Variants in DNAJC7 observed in about 807,000 individuals in gnomAD.
The protein encoded by DNAJC7 is dnaJ homolog subfamily C member 7.
DNAJC7 carries 18 observed loss-of-function variants against 67.4 expected under a neutral mutation model. The observed-to-expected ratio is 0.27, with a 90% CI of 0.18 to 0.40. DNAJC7 has a LOEUF of 0.40. Among genes scored for constraint, DNAJC7 ranks in the 10% least tolerant of loss-of-function variants. The pLI is 1.00. For missense variants in DNAJC7, 419 were observed against 613.8 expected (o/e 0.68, Z 3.35); for synonymous variants, 220 against 207.8 (o/e 1.06, Z -0.50).
chr17:41,998,331 G>A (rs1555648986), intron 2 of DNAJC7, among the ~76,000 whole-genome samples: 2 of 152,136 alleles, frequency 1.3e-5, no homozygotes, highest in Non-Finnish European at 2.9e-5. Flanking sequence ...AATTAGCCAA[G>A]CATGGTGGCA....
At chr17:42,017,288 C>T (rs2052329979) in intron 1 of DNAJC7, 52 bp downstream of exon 1, 1 of 1,608,490 alleles carries the variant, frequency 6.2e-7, no homozygotes, top group South Asian at 1.1e-5. Flanking sequence ...ACGAGTTTCC[C>T]TGAGCCACGG....
intron 9 of DNAJC7, among the ~76,000 whole-genome samples, chr17:41,984,071 T>C (rs1338493146): frequency 2.0e-5 from 3 of 152,206 alleles, no homozygotes; most frequent in Non-Finnish European, 4.4e-5. Context: ...CAGGACTAGC[T>C]ACAATCCAGA....
intron 12 of DNAJC7, among the ~76,000 whole-genome samples, chr17:41,980,928 G>C (rs994270541): frequency 6.6e-6 from 1 of 152,148 alleles, no homozygotes; most frequent in Admixed American, 6.5e-5. Context: ...TGGCCTGTGA[G>C]CTCTGATCCA....
chr17:41,981,784 G>A (rs936659126), intron 12 of DNAJC7, 71 bp downstream of exon 12: 1 of 1,576,038 alleles, frequency 6.3e-7, no homozygotes, highest in African/African-American at 1.4e-5. Context: ...TCTCCCTCTG[G>A]AGCATCTTTG....
chr17:41,997,159 C>T lies in DNAJC7; in HGVS notation c.247G>A (p.Gly83Arg). 6.2e-7 allele frequency: 1 copy of T among 1,613,988 alleles called. No homozygotes were observed. ...AACCTCACTGACTGTTGTGCATCTCCAAGAGCTTCCCGGAACCTTCCAAGC... is the reference window on the plus strand; with the variant it reads ...AACCTCACTGACTGTTGTGCATCTCTAAGAGCTTCCCGGAACCTTCCAAGC... ...MMLGRFREAL[G>R]DAQQSVRLDD... The change falls in exon 3 of 14, where the codon GGA becomes AGA. Residue 83 changes from glycine to arginine, a missense_variant. Around this residue, in one of 4 missense-constraint regions of DNAJC7, gnomAD observed 179 missense variants for 249.7 expected, o/e 0.72. Transcript: ENST00000457167.
intron 9 of DNAJC7, chr17:41,985,683 T>G (rs996319500): frequency 6.6e-6 from 1 of 152,296 alleles, no homozygotes; most frequent in Non-Finnish European, 1.5e-5. Context: ...GTAGCAAAGA[T>G]GTGGGTGGGT....
chr17:42,013,607 C>A (rs1384057044), intron 1 of DNAJC7: 1 of 152,266 alleles, frequency 6.6e-6, no homozygotes, highest in Non-Finnish European at 1.5e-5. Flanking sequence ...TCTAACCAAG[C>A]CAGACAGTAA....
At chr17:42,006,799 A>G (rs2051973075) in intron 1 of DNAJC7, among the ~76,000 whole-genome samples, 1 of 128,080 alleles carries the variant, frequency 7.8e-6, no homozygotes, top group Non-Finnish European at 1.6e-5. Context: ...TCCGTCTCAA[A>G]AAAAAAAAAA....
chr17:41,980,825 A>G (rs2143108330), intron 12 of DNAJC7, among the ~76,000 whole-genome samples: 1 of 152,376 alleles, frequency 6.6e-6, no homozygotes, highest in South Asian at 2.1e-4. Context: ...AATGTATGAC[A>G]TACATAAATG....
chr17:41,984,421 A>G (rs1276922375), intron 9 of DNAJC7: 1 of 149,176 alleles, frequency 6.7e-6, no homozygotes, highest in South Asian at 2.1e-4. Context: ...CTCCTGCCTC[A>G]GCCTCCAGAG....
intron 6 of DNAJC7, among the ~76,000 whole-genome samples, 171 bp downstream of exon 6, chr17:41,990,093 G>A (rs1405103128): frequency 1.3e-5 from 2 of 152,198 alleles, no homozygotes; most frequent in African/African-American, 4.8e-5. Flanking sequence ...CTATACTCCT[G>A]TATACCCTAC....
At chr17:41,991,028 A>G (rs900770664) in intron 5 of DNAJC7, among the ~76,000 whole-genome samples, 5 of 152,170 alleles carry the variant, frequency 3.3e-5, no homozygotes, top group Non-Finnish European at 5.9e-5. Context: ...ACATGCCACT[A>G]TACAAACCAC....
intron 1 of DNAJC7, chr17:42,011,122 G>C (rs1157119245): frequency 1.3e-5 from 2 of 152,200 alleles, no homozygotes; most frequent in East Asian, 3.8e-4. Context: ...AGTGCAGTAA[G>C]GGAGAAATGG....
intron 12 of DNAJC7, among the ~76,000 whole-genome samples, chr17:41,978,970 A>G (rs556021898): frequency 9.2e-5 from 14 of 152,362 alleles, no homozygotes; most frequent in African/African-American, 3.1e-4. Flanking sequence ...TGGTGAACCT[A>G]GGTTTATTAA....
Position 42,017,413 on chromosome 17 carries a change from C to T in DNAJC7, c.4G>A (p.Ala2Thr). The part of the protein sequence containing the change: M[A>T]AAAECDVVMA... ...ACCACATCGCACTCCGCGGCAGCCG[C>T]CATCTTACCGCCGGGACCAGAGAGC... Residue 2 changes from alanine (A) to threonine (T), a missense_variant, in exon 1 of 14, where the codon GCG becomes ACG. By Grantham distance (58) the Ala-to-Thr change is moderately conservative. This residue lies in a region of DNAJC7 where 63 missense variants were observed against 54.0 expected (regional missense o/e 1.17). Transcript: ENST00000457167. The T allele has an allele frequency of 6.2e-7, 1 of 1,607,456 alleles. No individual in the cohort carries two copies. The highest frequency in any genetic ancestry group is 1.1e-5 in the South Asian group (1 of 91,082).
chr17:42,017,387 TACC>T lies in DNAJC7; in HGVS notation c.27_29del (p.Val10del). On this transcript the variant is annotated inframe_deletion, in exon 1 of 14. Transcript: ENST00000457167. The stretch of plus-strand genomic sequence containing the variant: ...GCAGCTCCGGCTCGGTCGCCGCCAT[TACC>T]ACATCGCACTCCGCGGCAGCCGCCA... The T allele has an allele frequency of 1.2e-6, 2 of 1,610,092 alleles. No individual in the cohort carries two copies. Among genetic ancestry groups the T allele is most frequent in the Non-Finnish European group, 1.7e-6 (2 of 1,179,854 alleles).
intron 2 of DNAJC7, 43 bp downstream of exon 2, chr17:42,000,439 G>A (rs1288579712): frequency 3.4e-6 from 5 of 1,462,300 alleles, no homozygotes; most frequent in Non-Finnish European, 4.7e-6. Flanking sequence ...AATAATATTT[G>A]GCAAGTAAAT....
chr17:41,977,998 A>G (rs2051137808), intron 12 of DNAJC7, among the ~76,000 whole-genome samples: 2 of 152,154 alleles, frequency 1.3e-5, no homozygotes, highest in South Asian at 4.1e-4. Flanking sequence ...GGTGCAAAGT[A>G]CTAGGTACTT....
At chr17:42,009,914 C>T (rs1352995490) in intron 1 of DNAJC7, among the ~76,000 whole-genome samples, 1 of 152,058 alleles carries the variant, frequency 6.6e-6, no homozygotes, top group African/African-American at 2.4e-5. Flanking sequence ...GAGGCCGAGG[C>T]GGGCAGATCC....
Sources: allele counts gnomAD v4.1 joint callset (sites outside exome capture counted in the v4.1 genomes callset), GRCh38; gene constraint gnomAD v4.1.1; regional missense constraint gnomAD v4.1.1; transcripts MANE v1.5; gene names NCBI Gene and HGNC (gene_info 2026-07-23, HGNC 2026-07-21).